The following BRSK1 variants were observed in gnomAD, a reference collection of about 807,000 sequenced individuals.
BRSK1 encodes BR serine/threonine kinase 1, also known as serine/threonine-protein kinase BRSK1.
Under a neutral mutation model 86.2 loss-of-function variants are expected in BRSK1, and 17 were observed. The observed-to-expected ratio is 0.20, with a 90% CI of 0.14 to 0.30. The LOEUF is 0.30. Ranked by LOEUF, BRSK1 falls within the 10% of genes least tolerant of loss-of-function variation. The pLI is 1.00. For synonymous variants in BRSK1, 464 were observed against 440.1 expected (o/e 1.05, Z -0.68); for missense variants, 719 against 1,071.9 (o/e 0.67, Z 4.60).
intron 16 of BRSK1, among the ~76,000 whole-genome samples, chr19:55,305,983 G>A (rs1172071866): frequency 6.6e-6 from 1 of 152,228 alleles, no homozygotes; most frequent in Non-Finnish European, 1.5e-5. Flanking sequence ...GGAGCAAGCA[G>A]TGTTTCATGT....
chr19:55,308,560 G>T, intron 17 of BRSK1, 79 bp from the exon 18 acceptor site: 2 of 1,013,146 alleles, frequency 2.0e-6, no homozygotes, highest in South Asian at 2.5e-5. Flanking sequence ...TTGGTGGAGG[G>T]ACTGGGTTCT....
intron 1 of BRSK1, among the ~76,000 whole-genome samples, chr19:55,285,070 G>GCGGTC (rs1417732880): frequency 6.6e-6 from 1 of 151,240 alleles, no homozygotes; most frequent in Non-Finnish European, 1.5e-5. Flanking sequence ...AGGGAGGAGG[G>GCGGTC]GACTGGGGTC....
In BRSK1 at chr19:55,284,492, T is replaced by TACC; in HGVS notation, c.50_51insACC (p.Pro18dup). 2.6e-6 allele frequency: 2 copies of TACC among 776,246 alleles called. No homozygotes were observed. Among genetic ancestry groups the TACC allele is most frequent in the Non-Finnish European group, 3.7e-6 (2 of 546,156 alleles). The allele number at this position is 776,246 out of a possible 1,614,324, so 48.1% of individuals were successfully genotyped here. ...GGTGGGGGCTCTCCCGCCTACCACCTCCCCCACCCCCACCCCCACCCACCC... is the reference window on the plus strand; with the variant it reads ...GGTGGGGGCTCTCCCGCCTACCACCTACCCCCCCACCCCCACCCCCACCCACCC... On this transcript the variant is annotated inframe_insertion, in exon 1 of 19. Coordinates refer to ENST00000309383, the MANE Select transcript of BRSK1 (RefSeq NM_032430.2).
chr19:55,304,403 T>C lies in BRSK1; in HGVS notation c.1348-148T>C. The stretch of plus-strand genomic sequence containing the variant: ...CATGATAGAAAGTCTTTGCTATCCT[T>C]GCTCTGGGGCCTGGGAAGGAGGATA... On this transcript the variant is annotated intron_variant, in intron 13 of 18. Transcript: ENST00000309383. This position sits in a 1 kb window ranked among gnomAD's most constrained non-coding sequence, Gnocchi z 5.2. 9.4e-7 allele frequency: 1 copy of C among 1,063,440 alleles called. No homozygotes were observed. Among genetic ancestry groups the C allele is most frequent in the Non-Finnish European group, 1.3e-6 (1 of 763,838 alleles). 65.9% of individuals were successfully genotyped at this position (1,063,440 alleles called of 1,614,324 possible).
At position 55,311,995 on chromosome 19, in the gene BRSK1, T is replaced by C; in HGVS notation, c.2264T>C (p.Leu755Pro). ...CCACCCGGCCGCCCAGACCCAGAGC[T>C]GAGCAGCTCTCCCCGCCGAGGCCCC... is the stretch of plus-strand genomic sequence containing the variant. ...QPPPGRPDPE[L>P]SSSPRRGPPK... Residue 755 changes from leucine to proline, a missense_variant, in exon 19 of 19, where the codon CTG becomes CCG. Leu to Pro is a moderately conservative substitution (Grantham distance 98, BLOSUM62 -3). This residue lies in a region of BRSK1 where 82 missense variants were observed against 72.6 expected (regional missense o/e 1.13). Coordinates refer to ENST00000309383, the MANE Select transcript of BRSK1 (RefSeq NM_032430.2). The C allele has an allele frequency of 6.5e-7, 1 of 1,544,614 alleles. No homozygotes were observed. Among genetic ancestry groups the C allele is most frequent in the Non-Finnish European group, 8.7e-7 (1 of 1,144,506 alleles).
Position 55,293,375 on chromosome 19 carries a change from GC to G in BRSK1, c.459-640del, listed in dbSNP as rs551361442. 1.2e-3 allele frequency among the ~76,000 whole-genome samples: 179 copies of G among 152,136 alleles called. 2 individuals carry two copies. Among genetic ancestry groups the G allele is most frequent in the African/African-American group, 4.0e-3 (164 of 41,502 alleles). On this transcript the variant is annotated intron_variant, in intron 4 of 18. Transcript: ENST00000309383. ...AAATTAGCTGGGTGTGGTGGCACAT[GC>G]CTGCAATCCCAGCTACTCAGGAGGC... is the stretch of plus-strand genomic sequence containing the variant.
intron 7 of BRSK1, 137 bp from the exon 8 acceptor site, chr19:55,301,375 C>A: frequency 9.3e-7 from 1 of 1,069,570 alleles, no homozygotes; most frequent in Non-Finnish European, 1.3e-6. Context: ...GAGCTAGGGG[C>A]CTTTGGCAAA....
intron 7 of BRSK1, among the ~76,000 whole-genome samples, chr19:55,295,092 G>A (rs181352239): frequency 1.4e-4 from 22 of 151,936 alleles, no homozygotes; most frequent in East Asian, 1.4e-3. Context: ...ATGAGCCATC[G>A]TGCCCGGCAG....
At position 55,312,076 on chromosome 19, in the gene BRSK1, G is replaced by A; in HGVS notation, c.*8G>A. On this transcript the variant is annotated 3_prime_UTR_variant, in exon 19 of 19. Transcript: ENST00000309383. Reference sequence around the variant, plus strand: ...GGGACCCCTCTGCCCTGACCCCACGGGGCCGGGGAGGGAGGGGACCCCCCT... The same window carrying A: ...GGGACCCCTCTGCCCTGACCCCACGAGGCCGGGGAGGGAGGGGACCCCCCT... The A allele has an allele frequency of 2.1e-6, 3 of 1,408,820 alleles. No individual in the cohort carries two copies. 87.3% of individuals were successfully genotyped at this position (1,408,820 alleles called of 1,614,324 possible). A position where few individuals can be genotyped will look rare whatever the true frequency, so the allele number is the denominator to read the frequency against.
intron 14 of BRSK1, 152 bp from the exon 15 acceptor site, chr19:55,305,169 C>G: frequency 5.0e-6 from 6 of 1,202,500 alleles, no homozygotes; most frequent in South Asian, 1.4e-5. Flanking sequence ...CCCATTGGCC[C>G]GTGGTTTGTG....
intron 4 of BRSK1, among the ~76,000 whole-genome samples, chr19:55,290,118 C>T (rs547683350): frequency 3.9e-5 from 6 of 152,216 alleles, no homozygotes; most frequent in African/African-American, 1.2e-4. Flanking sequence ...CCTCAGCCTC[C>T]GGAGTAGCTG....
At chr19:55,305,713 G>A (rs2088640380) in intron 16 of BRSK1, 127 bp downstream of exon 16, 5 of 1,432,610 alleles carry the variant, frequency 3.5e-6, no homozygotes, top group Non-Finnish European at 4.7e-6. Flanking sequence ...TAGTTTTATG[G>A]CCAGAGTTGG....
rs1466172413 is a variant in BRSK1, at chr19:55,304,410, G to A, written c.1348-141G>A. 4 of 1,101,444 alleles carry A rather than the reference G, an allele frequency of 3.6e-6. No homozygotes were observed. The highest frequency in any genetic ancestry group is 3.2e-5 in the African/African-American group (2 of 62,126). The allele number at this position is 1,101,444 out of a possible 1,614,324, so 68.2% of individuals were successfully genotyped here. On this transcript the variant is annotated intron_variant, in intron 13 of 18. Coordinates refer to ENST00000309383, the MANE Select transcript of BRSK1 (RefSeq NM_032430.2). This position sits in a 1 kb window ranked among gnomAD's most constrained non-coding sequence, Gnocchi z 5.2. ...GAAAGTCTTTGCTATCCTTGCTCTG[G>A]GGCCTGGGAAGGAGGATACTTGGAC... is the stretch of plus-strand genomic sequence containing the variant.
At position 55,311,989 on chromosome 19, in the gene BRSK1, C is replaced by G. The variant is rs1243665970; in HGVS notation, c.2258C>G (p.Pro753Arg). The change falls in exon 19 of 19, where the codon CCA (proline) becomes CGA (arginine). Residue 753 changes from proline (P) to arginine (R), a missense_variant. Pro to Arg is a moderately radical substitution (Grantham distance 103). This residue lies in a region of BRSK1 where 82 missense variants were observed against 72.6 expected (regional missense o/e 1.13). Transcript: ENST00000309383. Reference protein sequence around the residue: ...SLQPPPGRPDPELSSSPRRGP... With the variant: ...SLQPPPGRPDRELSSSPRRGP... ...CAGCCCCCACCCGGCCGCCCAGACC[C>G]AGAGCTGAGCAGCTCTCCCCGCCGA... 4 of 1,563,364 alleles carry G rather than the reference C, an allele frequency of 2.6e-6. No individual in the cohort carries two copies. In the South Asian group the frequency reaches 4.6e-5, roughly 18 times the overall value.
chr19:55,286,810 T>C (rs1421455456), intron 1 of BRSK1, among the ~76,000 whole-genome samples, 197 bp from the exon 2 acceptor site: 3 of 151,460 alleles, frequency 2.0e-5, no homozygotes, highest in African/African-American at 7.3e-5. Context: ...AGGAACGGAC[T>C]GGCAGGAGGG....
intron 17 of BRSK1, 55 bp from the exon 18 acceptor site, chr19:55,308,584 G>A: frequency 7.2e-7 from 1 of 1,396,674 alleles, no homozygotes; most frequent in Non-Finnish European, 1.0e-6. Flanking sequence ...GGCTGGGACG[G>A]CCTTCCCGGT....
At chr19:55,286,684 C>T (rs949570332) in intron 1 of BRSK1, among the ~76,000 whole-genome samples, 1 of 148,020 alleles carries the variant, frequency 6.8e-6, no homozygotes. Context: ...GAGACAGACT[C>T]GGGGAGACAC....
At chr19:55,288,071 G>T (rs1034051846) in intron 3 of BRSK1, 4 of 153,008 alleles carry the variant, frequency 2.6e-5, no homozygotes, top group African/African-American at 9.7e-5. Context: ...GGTAGGGAGG[G>T]GCTATTGTCC....
intron 4 of BRSK1, among the ~76,000 whole-genome samples, chr19:55,290,921 A>G (rs535305193): frequency 1.4e-4 from 21 of 151,700 alleles, no homozygotes; most frequent in Admixed American, 2.6e-4. Context: ...GATTACAGGC[A>G]TGAGCCACCG....
Sources: allele counts gnomAD v4.1 joint callset (sites outside exome capture counted in the v4.1 genomes callset), GRCh38; gene constraint gnomAD v4.1.1; regional missense constraint gnomAD v4.1.1; non-coding constraint Gnocchi (gnomAD v3.1); transcripts MANE v1.5; gene names NCBI Gene and HGNC (gene_info 2026-07-23, HGNC 2026-07-21).